ZNF438: variants seen among roughly 807,000 people sequenced by gnomAD.
ZNF438 encodes the protein zinc finger protein 438.
In ZNF438, 25 loss-of-function variants were observed where a neutral mutation model predicts 38.0. That is an observed-to-expected ratio of 0.66 (90% CI 0.48 to 0.92). The LOEUF is 0.92. ZNF438 is among the 40% of genes least tolerant of loss of function. The probability of loss-of-function intolerance (pLI) is 0.00; values close to 1 mark genes in which losing one functional copy is unlikely to be tolerated. For missense variants in ZNF438, 1,007 were observed against 999.6 expected (o/e 1.01, Z -0.10); for synonymous variants, 372 against 364.1 (o/e 1.02, Z -0.25).
intron 3 of ZNF438, among the ~76,000 whole-genome samples, chr10:30,883,938 T>C (rs2039608768): frequency 6.6e-6 from 1 of 152,140 alleles, no homozygotes; most frequent in South Asian, 2.1e-4. Flanking sequence ...TCAGTTATTT[T>C]TTTCATAACT....
intron 3 of ZNF438, among the ~76,000 whole-genome samples, chr10:30,894,651 A>G (rs2041103148): frequency 6.6e-6 from 1 of 152,222 alleles, no homozygotes; most frequent in Non-Finnish European, 1.5e-5. Flanking sequence ...AGTAGCAATC[A>G]CAAAAGAAAG....
chr10:30,948,083 C>T (rs578183628), intron 1 of ZNF438, among the ~76,000 whole-genome samples: 1 of 152,242 alleles, frequency 6.6e-6, no homozygotes, highest in East Asian at 1.9e-4. Flanking sequence ...TCAAGTGGGT[C>T]CCTGACCCCT....
chr10:30,954,169 A>C (rs1321026833), intron 1 of ZNF438, among the ~76,000 whole-genome samples: 1 of 152,134 alleles, frequency 6.6e-6, no homozygotes, highest in Non-Finnish European at 1.5e-5. Context: ...ACCCCCATAA[A>C]GTGGTAAATT....
intron 2 of ZNF438, among the ~76,000 whole-genome samples, chr10:30,914,678 T>A (rs546543271): frequency 6.6e-6 from 1 of 152,168 alleles, no homozygotes; most frequent in South Asian, 2.1e-4. Flanking sequence ...CACTGGATTA[T>A]ATATACTCGA....
chr10:31,006,379 G>A (rs1314206593), intron 1 of ZNF438, among the ~76,000 whole-genome samples: 1 of 151,508 alleles, frequency 6.6e-6, no homozygotes, highest in Non-Finnish European at 1.5e-5. Context: ...ACCCAAAAGG[G>A]CAGGGTTTGG....
Position 30,930,178 on chromosome 10 carries a change from G to A in ZNF438, c.-115+11397C>T, listed in dbSNP as rs182577872. ...GGGGGCGGGGGTGGGGGGGGAGTGCGGGGCTCAGGCATGGTGGGTTGCAGG... is the reference window on the plus strand; with the variant it reads ...GGGGGCGGGGGTGGGGGGGGAGTGCAGGGCTCAGGCATGGTGGGTTGCAGG... On this transcript the variant is annotated intron_variant, in intron 2 of 5. Coordinates refer to ENST00000413025, the Ensembl canonical transcript of ZNF438. Among the ~76,000 whole-genome samples the A allele has an allele frequency of 9.1e-4, 138 of 151,798 alleles. No homozygotes were observed. The East Asian group carries it at 0.016, about 18-fold the overall frequency.
At chr10:30,880,225 G>A (rs1362482420) in intron 3 of ZNF438, among the ~76,000 whole-genome samples, 1 of 152,030 alleles carries the variant, frequency 6.6e-6, no homozygotes. Flanking sequence ...CAGGTTGGGA[G>A]TTTGAGACCA....
At chr10:31,019,218 T>G (rs1207171518) in intron 1 of ZNF438, among the ~76,000 whole-genome samples, 1 of 152,166 alleles carries the variant, frequency 6.6e-6, no homozygotes, top group Non-Finnish European at 1.5e-5. Context: ...CTATTTCACT[T>G]AGCATAAAAA....
chr10:30,942,333 C>A (rs1483695506), intron 1 of ZNF438, among the ~76,000 whole-genome samples: 3 of 152,114 alleles, frequency 2.0e-5, no homozygotes, highest in Non-Finnish European at 2.9e-5. Context: ...AAAACACATT[C>A]AAATTTGTAT....
At chr10:31,005,504 G>C (rs1324017217) in intron 1 of ZNF438, among the ~76,000 whole-genome samples, 7 of 152,132 alleles carry the variant, frequency 4.6e-5, no homozygotes, top group Non-Finnish European at 1.0e-4. Flanking sequence ...AACAGGGGTG[G>C]ACGGGGGAGA....
At chr10:30,977,315 A>G (rs570652291) in intron 1 of ZNF438, among the ~76,000 whole-genome samples, 1 of 152,376 alleles carries the variant, frequency 6.6e-6, no homozygotes, top group Admixed American at 6.5e-5. Flanking sequence ...CTGCCATAAC[A>G]AAGAGACTCA....
At chr10:30,901,773 G>A (rs1253778893) in intron 3 of ZNF438, among the ~76,000 whole-genome samples, 2 of 152,054 alleles carry the variant, frequency 1.3e-5, no homozygotes, top group African/African-American at 4.8e-5. Context: ...CAAGAATGAA[G>A]CCGCGGACCC....
At chr10:30,867,324 T>A (rs920530914) in intron 4 of ZNF438, among the ~76,000 whole-genome samples, 61 of 152,344 alleles carry the variant, frequency 4.0e-4, no homozygotes, top group African/African-American at 1.4e-3. Flanking sequence ...TCTCATTATT[T>A]TTTTTGCTTT....
chr10:31,004,241 A>C (rs1490919990), intron 1 of ZNF438, among the ~76,000 whole-genome samples: 1 of 152,216 alleles, frequency 6.6e-6, no homozygotes, highest in Non-Finnish European at 1.5e-5. Context: ...CCAAAATGTC[A>C]ATAGTGCTGA....
intron 1 of ZNF438, among the ~76,000 whole-genome samples, chr10:30,948,801 A>C (rs2135715630): frequency 6.6e-6 from 1 of 151,050 alleles, no homozygotes; most frequent in South Asian, 2.1e-4. Flanking sequence ...GATGGGGAGA[A>C]TGGAACCAAG....
intron 2 of ZNF438, among the ~76,000 whole-genome samples, chr10:30,912,443 A>G (rs1026962937): frequency 6.6e-6 from 1 of 152,142 alleles, no homozygotes; most frequent in South Asian, 2.1e-4. Context: ...AAGAGCCTCA[A>G]GGTAAACATC....
At chr10:30,891,910 C>T (rs1320298226) in intron 3 of ZNF438, among the ~76,000 whole-genome samples, 2 of 152,136 alleles carry the variant, frequency 1.3e-5, no homozygotes, top group African/African-American at 4.8e-5. Context: ...GTTCAGAAGG[C>T]ATTCAGGCCA....
chr10:30,976,374 AG>A (rs1293709208), intron 1 of ZNF438, among the ~76,000 whole-genome samples: 1 of 152,236 alleles, frequency 6.6e-6, no homozygotes, highest in Non-Finnish European at 1.5e-5. Context: ...TATAACGGGA[AG>A]CACAGATTTA....
At chr10:30,845,570 T>C (rs2031792837) in exon 6 of ZNF438, 1 of 1,607,192 alleles carries the variant, frequency 6.2e-7, no homozygotes, top group Admixed American at 1.7e-5. Context: ...TGGACTTGTT[T>C]TCCCTGAAAA....
Sources: allele counts gnomAD v4.1 joint callset (sites outside exome capture counted in the v4.1 genomes callset), GRCh38; gene constraint gnomAD v4.1.1; transcripts MANE v1.5; gene names NCBI Gene and HGNC (gene_info 2026-07-23, HGNC 2026-07-21).